The following TDRP variants were observed in gnomAD, a reference collection of about 807,000 sequenced individuals.
TDRP encodes the protein testis development-related protein.
In TDRP, 12 loss-of-function variants were observed where a neutral mutation model predicts 10.5. The observed-to-expected ratio is 1.15, with a 90% confidence interval of 0.73 to 1.86. The LOEUF is 1.86. TDRP is among the 40% of genes most tolerant of loss of function. The probability of loss-of-function intolerance (pLI) is 0.00; values close to 1 mark genes in which losing one functional copy is unlikely to be tolerated. For missense variants in TDRP, 353 were observed against 229.2 expected (o/e 1.54, Z -3.49); for synonymous variants, 139 against 95.4 (o/e 1.46, Z -2.67).
chr8:523,134 G>C (rs1260158707), intron 1 of TDRP, among the ~76,000 whole-genome samples: 2 of 152,024 alleles, frequency 1.3e-5, no homozygotes, highest in Non-Finnish European at 2.9e-5. Flanking sequence ...ATATTTTGTA[G>C]TGAAATGTTT....
At chr8:525,799 T>C (rs1030191343) in intron 1 of TDRP, among the ~76,000 whole-genome samples, 1 of 151,728 alleles carries the variant, frequency 6.6e-6, no homozygotes, top group African/African-American at 2.4e-5. Context: ...AGTAAGAAAA[T>C]GGCAGGAGTA....
chr8:520,680 T>C (rs1801879364), intron 1 of TDRP, among the ~76,000 whole-genome samples: 1 of 152,310 alleles, frequency 6.6e-6, no homozygotes, highest in Admixed American at 6.5e-5. Flanking sequence ...TGATTTGTAT[T>C]TCCCTGATGA....
At chr8:539,733 G>T (rs931221673) in intron 1 of TDRP, among the ~76,000 whole-genome samples, 1 of 152,154 alleles carries the variant, frequency 6.6e-6, no homozygotes, top group Non-Finnish European at 1.5e-5. Flanking sequence ...GCCTTTTCTG[G>T]ATTTCAGAGC....
At chr8:497,226 G>T (rs922615308) in intron 1 of TDRP, among the ~76,000 whole-genome samples, 1 of 152,224 alleles carries the variant, frequency 6.6e-6, no homozygotes, top group African/African-American at 2.4e-5. Flanking sequence ...CTAGAGACTT[G>T]TTGAATGGTT....
intron 1 of TDRP, among the ~76,000 whole-genome samples, chr8:502,689 G>A (rs111507585): frequency 4.4e-4 from 56 of 127,314 alleles, no homozygotes; most frequent in Admixed American, 1.4e-3. Flanking sequence ...GCCACACACC[G>A]GAACCCATGC....
intron 1 of TDRP, among the ~76,000 whole-genome samples, chr8:495,856 C>G (rs953714663): frequency 2.6e-5 from 4 of 152,152 alleles, no homozygotes; most frequent in Non-Finnish European, 4.4e-5. Flanking sequence ...CAGGAAGGGG[C>G]AAAGGGCAGA....
chr8:498,422 G>T (rs1481745104), intron 1 of TDRP, among the ~76,000 whole-genome samples: 1 of 152,140 alleles, frequency 6.6e-6, no homozygotes, highest in Non-Finnish European at 1.5e-5. Context: ...GTAGCCCCTT[G>T]GTTTTGGCCA....
At chr8:532,364 A>AT (rs1301317394) in intron 1 of TDRP, among the ~76,000 whole-genome samples, 5 of 152,214 alleles carry the variant, frequency 3.3e-5, no homozygotes, top group African/African-American at 1.2e-4. Flanking sequence ...AGAAGGGCAC[A>AT]TATTAGCCCC....
intron 1 of TDRP, among the ~76,000 whole-genome samples, chr8:505,965 G>C (rs1434838559): frequency 1.3e-5 from 2 of 152,120 alleles, no homozygotes; most frequent in Admixed American, 6.5e-5. Context: ...AAGCAGCAGG[G>C]TAGTGGGAGC....
At chr8:514,489 C>T (rs1018600291) in intron 1 of TDRP, among the ~76,000 whole-genome samples, 1 of 152,188 alleles carries the variant, frequency 6.6e-6, no homozygotes, top group African/African-American at 2.4e-5. Context: ...GGACAGGATG[C>T]TGAACGCAGA....
At chr8:544,947 C>T (rs1182373442), upstream of TDRP, 8 of 359,528 alleles carry the variant, frequency 2.2e-5, no homozygotes, top group East Asian at 8.5e-5. Flanking sequence ...CCAAACCCTC[C>T]CCAGGACCCG....
At chr8:527,985 G>GA (rs536932918) in intron 1 of TDRP, among the ~76,000 whole-genome samples, 1 of 152,130 alleles carries the variant, frequency 6.6e-6, no homozygotes, top group Admixed American at 6.5e-5. Context: ...CACAGAATGG[G>GA]AAAAAATATC....
At chr8:528,873 T>C (rs1802108010) in intron 1 of TDRP, among the ~76,000 whole-genome samples, 1 of 151,278 alleles carries the variant, frequency 6.6e-6, no homozygotes, top group Admixed American at 6.6e-5. Flanking sequence ...AAAGGGGAAT[T>C]TATTAAGTAG....
chr8:494,627 C>G (rs373203133), intron 1 of TDRP, 30 bp from the exon 2 acceptor site: 2 of 1,590,676 alleles, frequency 1.3e-6, no homozygotes, highest in Non-Finnish European at 1.7e-6. Flanking sequence ...AATGTCAAAT[C>G]TGATGTCATG....
intron 1 of TDRP, among the ~76,000 whole-genome samples, chr8:522,870 T>C (rs954136480): frequency 6.6e-6 from 1 of 152,216 alleles, no homozygotes; most frequent in South Asian, 2.1e-4. Context: ...GGAATATCTC[T>C]TGCATGGAAT....
chr8:528,009 C>T (rs1052900024), intron 1 of TDRP, among the ~76,000 whole-genome samples: 4 of 152,094 alleles, frequency 2.6e-5, no homozygotes, highest in African/African-American at 9.7e-5. Flanking sequence ...AAACAACCCA[C>T]CTGACAAGGG....
intron 1 of TDRP, among the ~76,000 whole-genome samples, chr8:538,804 C>T (rs1047151961): frequency 6.6e-6 from 1 of 152,218 alleles, no homozygotes; most frequent in Non-Finnish European, 1.5e-5. Flanking sequence ...ATTAAAATCA[C>T]ATTAAGATGC....
At chr8:503,536 C>CAA (rs1801366054) in intron 1 of TDRP, among the ~76,000 whole-genome samples, 2 of 144,554 alleles carry the variant, frequency 1.4e-5, no homozygotes, top group East Asian at 4.2e-4. Context: ...GAGCAGCACA[C>CAA]TGGAACCAAT....
rs1179092791 is a variant in TDRP, at chr8:544,237, G to C, written c.108+413C>G. Among the ~76,000 whole-genome samples, 7 of 152,064 alleles carry C rather than the reference G, an allele frequency of 4.6e-5. No homozygotes were observed. In the East Asian group the frequency reaches 1.4e-3, roughly 30 times the overall value. On this transcript the variant is annotated intron_variant, in intron 1 of 2. Coordinates refer to ENST00000324079, the MANE Select transcript of TDRP (RefSeq NM_001384899.1). ...CAGGCCTTCTCCGCCAGCTCCACCC[G>C]GGACGCGAGCACCCGGCGTGGACCT...
Sources: gnomAD v4.1 joint callset for allele counts (sites outside exome capture counted in the v4.1 genomes callset) on GRCh38, gnomAD v4.1.1 for gene constraint, MANE v1.5 for transcripts, NCBI Gene and HGNC (gene_info 2026-07-23, HGNC 2026-07-21) for gene names.